KCNH5: variants seen among roughly 807,000 people sequenced by gnomAD.
KCNH5 encodes potassium voltage-gated channel subfamily H member 5, also known as voltage-gated delayed rectifier potassium channel KCNH5.
In KCNH5, 46 loss-of-function variants were observed where a neutral mutation model predicts 96.1. The observed-to-expected ratio is 0.48, with a 90% CI of 0.38 to 0.61. KCNH5 has a LOEUF of 0.61. Among genes scored for constraint, KCNH5 ranks in the 20% least tolerant of loss-of-function variants. The pLI is 0.00. For missense variants in KCNH5, 907 were observed against 1,225.8 expected (o/e 0.74, Z 3.88); for synonymous variants, 439 against 449.8 (o/e 0.98, Z 0.30).
intron 4 of KCNH5, 110 bp from the exon 5 acceptor site, chr14:62,987,297 T>C (rs1174526370): frequency 1.4e-6 from 1 of 732,538 alleles, no homozygotes; most frequent in South Asian, 1.5e-5. Context: ...CCAAAATGAA[T>C]GCAAAGTATC....
chr14:63,015,212 A>G (rs1891303923), intron 2 of KCNH5, among the ~76,000 whole-genome samples: 1 of 152,094 alleles, frequency 6.6e-6, no homozygotes, highest in Admixed American at 6.6e-5. Context: ...GAATCATCTA[A>G]GCTGTTGGTT....
At chr14:62,916,444 G>C (rs1889276507) in intron 7 of KCNH5, among the ~76,000 whole-genome samples, 1 of 152,164 alleles carries the variant, frequency 6.6e-6, no homozygotes, top group African/African-American at 2.4e-5. Flanking sequence ...TCTTCTTAGG[G>C]TCACTGCTTA....
At chr14:62,806,500 A>G (rs752200873) in intron 8 of KCNH5, among the ~76,000 whole-genome samples, 8 of 152,084 alleles carry the variant, frequency 5.3e-5, no homozygotes, top group Admixed American at 1.3e-4. Flanking sequence ...GGGGTCCTGT[A>G]ACATATTTCT....
intron 7 of KCNH5, among the ~76,000 whole-genome samples, chr14:62,875,496 A>G (rs1395197139): frequency 1.3e-5 from 2 of 152,234 alleles, no homozygotes; most frequent in Non-Finnish European, 2.9e-5. Flanking sequence ...AAACAGAGAT[A>G]TAGATCAATG....
At chr14:63,026,178 T>TAGAC (rs1891521003) in intron 1 of KCNH5, among the ~76,000 whole-genome samples, 1 of 151,990 alleles carries the variant, frequency 6.6e-6, no homozygotes, top group Non-Finnish European at 1.5e-5. Context: ...AGAATAAAAT[T>TAGAC]AGACGCTCAT....
intron 7 of KCNH5, among the ~76,000 whole-genome samples, chr14:62,862,544 ATTTCCTTGAGTC>A (rs912308548): frequency 2.0e-5 from 3 of 152,178 alleles, no homozygotes; most frequent in Non-Finnish European, 4.4e-5. Context: ...GATGGAATCT[ATTTCCTTGAGTC>A]TTCCCTAGCT....
At chr14:63,005,454 C>T (rs922654490) in intron 3 of KCNH5, among the ~76,000 whole-genome samples, 2 of 152,156 alleles carry the variant, frequency 1.3e-5, no homozygotes, top group Admixed American at 6.5e-5. Flanking sequence ...CAGGCGTTTC[C>T]TGTTGAAGCG....
rs1341320669 is a variant in KCNH5 at position 63,016,684 on chromosome 14, C to T, written c.197+147G>A. On this transcript the variant is annotated intron_variant, in intron 2 of 10. Transcript: ENST00000322893. The stretch of plus-strand genomic sequence containing the variant: ...CAGTGGCTCTTAAGCTATGTGTTTC[C>T]ATTGATAATTTAGTCTCCCTAATAT... 1.7e-5 allele frequency: 12 copies of T among 687,280 alleles called. No individual in the cohort carries two copies. In the East Asian group the frequency reaches 3.4e-4, roughly 20 times the overall value. 42.6% of individuals were successfully genotyped at this position (687,280 alleles called of 1,614,324 possible).
chr14:63,017,633 A>T (rs1486390853), intron 1 of KCNH5, among the ~76,000 whole-genome samples: 1 of 151,788 alleles, frequency 6.6e-6, no homozygotes, highest in Non-Finnish European at 1.5e-5. Flanking sequence ...TTGAAAATCC[A>T]ATCATATTAG....
chr14:62,995,009 T>C (rs897036134), intron 4 of KCNH5, among the ~76,000 whole-genome samples: 1 of 152,104 alleles, frequency 6.6e-6, no homozygotes, highest in African/African-American at 2.4e-5. Context: ...AATAAAAGTT[T>C]GGTAATCATA....
At chr14:62,817,148 C>A (rs538715642) in intron 8 of KCNH5, among the ~76,000 whole-genome samples, 1 of 131,830 alleles carries the variant, frequency 7.6e-6, no homozygotes, top group African/African-American at 2.8e-5. Context: ...TATATATATA[C>A]ACACATATAC....
rs74498402 is a variant in KCNH5, at chr14:62,735,587, C to T, written c.2020-27132G>A. ...AGTACTTATTGGAATTTATAATAGG[C>T]GGTACTCCACCTTCAAAATACATCC... On this transcript the variant is annotated intron_variant, in intron 10 of 10. Transcript: ENST00000322893. Among the ~76,000 whole-genome samples the T allele has an allele frequency of 9.2e-5, 14 of 152,168 alleles. No homozygotes were observed. In the East Asian group the frequency reaches 1.2e-3, roughly 13 times the overall value.
intron 7 of KCNH5, among the ~76,000 whole-genome samples, chr14:62,870,408 G>A (rs1298087059): frequency 6.6e-6 from 1 of 152,146 alleles, no homozygotes; most frequent in Non-Finnish European, 1.5e-5. Flanking sequence ...ATTTAAATGT[G>A]AGTAGTAATG....
chr14:62,863,099 T>A (rs1888069012), intron 7 of KCNH5, among the ~76,000 whole-genome samples: 1 of 152,214 alleles, frequency 6.6e-6, no homozygotes, highest in Non-Finnish European at 1.5e-5. Flanking sequence ...AACATACCAC[T>A]GTTTAAAATA....
chr14:62,899,627 C>G (rs982307360), intron 7 of KCNH5, among the ~76,000 whole-genome samples: 18 of 151,662 alleles, frequency 1.2e-4, no homozygotes, highest in African/African-American at 4.1e-4. Flanking sequence ...GTCAGGAGAT[C>G]GAGACCATCC....
chr14:63,035,940 G>A (rs1891713824), intron 1 of KCNH5, among the ~76,000 whole-genome samples: 1 of 152,160 alleles, frequency 6.6e-6, no homozygotes, highest in Non-Finnish European at 1.5e-5. Flanking sequence ...CAGGAGTAAG[G>A]GCTAGACAGG....
intron 1 of KCNH5, among the ~76,000 whole-genome samples, chr14:63,043,693 T>C (rs1891868761): frequency 1.3e-5 from 2 of 152,138 alleles, no homozygotes; most frequent in Non-Finnish European, 2.9e-5. Context: ...AAACCTCAAA[T>C]TAAAAACAAA....
rs1343480292 is a variant in KCNH5 at position 62,996,038 on chromosome 14, A to C, written c.433+5293T>G. On this transcript the variant is annotated intron_variant, in intron 4 of 10. Transcript: ENST00000322893. The stretch of plus-strand genomic sequence containing the variant: ...CTACTCTACCCAAGTTCAATGATCT[A>C]CACCCAAATTATTTTGATATTATGG... 3.3e-5 allele frequency among the ~76,000 whole-genome samples: 5 copies of C among 152,186 alleles called. No individual in the cohort carries two copies. The East Asian group carries it at 9.6e-4, about 29-fold the overall frequency.
intron 5 of KCNH5, among the ~76,000 whole-genome samples, chr14:62,984,745 C>T (rs1293282186): frequency 6.6e-6 from 1 of 151,362 alleles, no homozygotes; most frequent in Non-Finnish European, 1.5e-5. Flanking sequence ...GAAACTAACA[C>T]TAATCACAGA....
Sources: allele counts gnomAD v4.1 joint callset (sites outside exome capture counted in the v4.1 genomes callset), GRCh38; gene constraint gnomAD v4.1.1; transcripts MANE v1.5; gene names NCBI Gene and HGNC (gene_info 2026-07-23, HGNC 2026-07-21).